Variants in WASF2 observed in about 807,000 individuals in gnomAD.
The protein encoded by WASF2 is WASP family member 2.
A neutral mutation model predicts 45.0 loss-of-function variants in WASF2; 14 were observed. The observed-to-expected ratio is 0.31, with a 90% CI of 0.21 to 0.49. The LOEUF is 0.49. Among genes scored for constraint, WASF2 ranks in the 20% least tolerant of loss-of-function variants. WASF2 has a pLI of 0.99. For synonymous variants in WASF2, 200 were observed against 236.3 expected, an observed-to-expected ratio of 0.85 and a Z score of 1.41; for missense variants, 439 against 636.1, an observed-to-expected ratio of 0.69 and a Z score of 3.33.
intron 1 of WASF2, among the ~76,000 whole-genome samples, chr1:27,440,186 A>C (rs2017190525): frequency 6.6e-6 from 1 of 152,268 alleles, no homozygotes; most frequent in Admixed American, 6.5e-5. Context: ...ATATTTCATC[A>C]AATTTAGGAT....
chr1:27,473,530 A>G (rs533629195), intron 1 of WASF2, among the ~76,000 whole-genome samples: 138 of 152,120 alleles, frequency 9.1e-4, no homozygotes, highest in African/African-American at 3.2e-3. Flanking sequence ...CAGAGGAGGA[A>G]AGAGGGGTAT....
intron 1 of WASF2, among the ~76,000 whole-genome samples, chr1:27,447,168 T>C (rs1214488969): frequency 2.0e-5 from 3 of 148,634 alleles, no homozygotes; most frequent in African/African-American, 7.9e-5. Context: ...TATTTTAAGA[T>C]ATGAGTATTT....
intron 1 of WASF2, among the ~76,000 whole-genome samples, chr1:27,467,938 ATT>A (rs894539760): frequency 1.4e-5 from 2 of 144,160 alleles, no homozygotes. Flanking sequence ...GTGCCAAATA[ATT>A]TTTTTTTTTT....
intron 1 of WASF2, among the ~76,000 whole-genome samples, chr1:27,475,480 C>T (rs983105015): frequency 7.2e-5 from 11 of 152,222 alleles, no homozygotes; most frequent in African/African-American, 2.7e-4. Context: ...TTCAATGGTT[C>T]ATTTTCATTC....
intron 1 of WASF2, among the ~76,000 whole-genome samples, chr1:27,444,146 ACG>A (rs953558334): frequency 6.6e-6 from 1 of 152,060 alleles, no homozygotes; most frequent in Admixed American, 6.5e-5. Context: ...AGTGGTGTGA[ACG>A]TGACTCATGC....
At chr1:27,433,629 GAGA>G (rs1469320394) in intron 1 of WASF2, among the ~76,000 whole-genome samples, 1 of 152,206 alleles carries the variant, frequency 6.6e-6, no homozygotes, top group Non-Finnish European at 1.5e-5. Context: ...TTCACAGGCT[GAGA>G]AGGAGAAAGT....
chr1:27,461,783 C>T (rs150903615), intron 1 of WASF2, among the ~76,000 whole-genome samples: 1 of 150,822 alleles, frequency 6.6e-6, no homozygotes, highest in Non-Finnish European at 1.5e-5. Context: ...CCACCTCAGC[C>T]TTTCAAGTAG....
At chr1:27,486,086 A>G (rs1462312496) in intron 1 of WASF2, among the ~76,000 whole-genome samples, 2 of 152,188 alleles carry the variant, frequency 1.3e-5, no homozygotes, top group Admixed American at 6.5e-5. Context: ...TGAAAAATAA[A>G]TTTTTCATTA....
chr1:27,455,879 C>G lies in WASF2; in HGVS notation c.-43-26946G>C, dbSNP rs7531313. 6.6e-5 allele frequency among the ~76,000 whole-genome samples: 10 copies of G among 152,132 alleles called. 1 individual carries two copies. Among genetic ancestry groups the G allele is most frequent in the African/African-American group, 2.4e-4 (10 of 41,468 alleles). On this transcript the variant is annotated intron_variant, in intron 1 of 8. Coordinates refer to ENST00000618852, the MANE Select transcript of WASF2 (RefSeq NM_006990.5). The stretch of plus-strand genomic sequence containing the variant: ...TCCATCCCATATTACAGTTGGAACA[C>G]GAAGACTGTGAGCTCTTTGAGGGAA...
intron 8 of WASF2, 110 bp from the exon 9 acceptor site, chr1:27,408,456 A>G: frequency 7.1e-7 from 1 of 1,401,710 alleles, no homozygotes. Context: ...ATTGGAAAGG[A>G]TAGAGAAAAA....
At chr1:27,471,410 T>C (rs1222390186) in intron 1 of WASF2, among the ~76,000 whole-genome samples, 1 of 150,938 alleles carries the variant, frequency 6.6e-6, no homozygotes, top group Non-Finnish European at 1.5e-5. Flanking sequence ...CCCAGCACTC[T>C]GAGAAGCTGT....
At chr1:27,471,433 G>A (rs978178154) in intron 1 of WASF2, among the ~76,000 whole-genome samples, 1 of 151,092 alleles carries the variant, frequency 6.6e-6, no homozygotes. Flanking sequence ...CGGAAGAATC[G>A]CTTGAGTCCA....
intron 1 of WASF2, among the ~76,000 whole-genome samples, chr1:27,487,261 C>T (rs931879194): frequency 4.1e-5 from 6 of 145,498 alleles, no homozygotes; most frequent in South Asian, 4.2e-4. Flanking sequence ...CCACCACGCC[C>T]GGCTACTTTT....
chr1:27,449,671 G>C (rs193196324), intron 1 of WASF2, among the ~76,000 whole-genome samples: 2 of 152,096 alleles, frequency 1.3e-5, no homozygotes, highest in Admixed American at 1.3e-4. Flanking sequence ...CTCTCACAAA[G>C]ATAAGGATAA....
chr1:27,423,451 G>C (rs2016935731), intron 2 of WASF2, among the ~76,000 whole-genome samples: 1 of 152,052 alleles, frequency 6.6e-6, no homozygotes, highest in African/African-American at 2.4e-5. Flanking sequence ...TCAAGTGCTG[G>C]GATTACAGGC....
At chr1:27,430,784 A>G (rs899414028) in intron 1 of WASF2, among the ~76,000 whole-genome samples, 4 of 151,906 alleles carry the variant, frequency 2.6e-5, no homozygotes, top group Non-Finnish European at 4.4e-5. Flanking sequence ...CCAAGTCCCC[A>G]ATATTATAAA....
In WASF2 at chr1:27,409,831, C is replaced by T. The variant is rs1379157967; in HGVS notation, c.1200G>A (p.Pro400=). The change falls in exon 8 of 9, where the codon CCG becomes CCA. Residue 400 remains proline (P), a synonymous_variant. Coordinates refer to ENST00000618852, the MANE Select transcript of WASF2 (RefSeq NM_006990.5). The part of the protein sequence containing the change: ...APPPPPPPPP[P]GPPPPPFTGA... ...CAGTGAAAGGGGGAGGAGGGGGCCC[C>T]GGAGGAGGAGGAGGAGGGGGAGGAG... The T allele has an allele frequency of 6.1e-5, 94 of 1,551,310 alleles. No homozygotes were observed. The highest frequency in any genetic ancestry group is 3.2e-4 in the East Asian group (14 of 44,072).
At chr1:27,413,633 C>A (rs1432586070) in intron 6 of WASF2, among the ~76,000 whole-genome samples, 2 of 152,194 alleles carry the variant, frequency 1.3e-5, no homozygotes, top group Non-Finnish European at 2.9e-5. Context: ...GATAGACTAA[C>A]CATGAAGCCC....
chr1:27,474,352 C>T (rs1012937183), intron 1 of WASF2, among the ~76,000 whole-genome samples: 4 of 151,932 alleles, frequency 2.6e-5, no homozygotes, highest in African/African-American at 9.7e-5. Flanking sequence ...AAATAAAACA[C>T]ACCCAGGCAA....
Sources: gnomAD v4.1 joint callset for allele counts (sites outside exome capture counted in the v4.1 genomes callset) on GRCh38, gnomAD v4.1.1 for gene constraint, MANE v1.5 for transcripts, NCBI Gene and HGNC (gene_info 2026-07-23, HGNC 2026-07-21) for gene names.